The following CEP164 variants were observed in gnomAD, a reference collection of about 807,000 sequenced individuals.
The protein encoded by CEP164 is centrosomal protein 164.
CEP164 carries 162 observed loss-of-function variants against 182.7 expected under a neutral mutation model. That is an observed-to-expected ratio of 0.89 (90% CI 0.78 to 1.01). The LOEUF is 1.01. Ranked by LOEUF, CEP164 falls within the 50% of genes least tolerant of loss-of-function variation. CEP164 has a pLI of 0.00. For synonymous variants in CEP164, 661 were observed against 690.0 expected (o/e 0.96, Z 0.66); for missense variants, 1,735 against 1,790.4 (o/e 0.97, Z 0.56).
intron 3 of CEP164, among the ~76,000 whole-genome samples, chr11:117,339,515 GTTTTTTGTTTTTTTT>G (rs1331345511): frequency 1.3e-4 from 12 of 90,880 alleles, no homozygotes; most frequent in Non-Finnish European, 2.5e-4. Context: ...CTTTTCCTTT[GTTTTTTGTTTTTTTT>G]TTTTTTTTTT....
At chr11:117,364,663 C>T (rs1318020582) in intron 8 of CEP164, among the ~76,000 whole-genome samples, 1 of 151,750 alleles carries the variant, frequency 6.6e-6, no homozygotes, top group Non-Finnish European at 1.5e-5. Context: ...CCCGCCACCA[C>T]ACCCGGCTAT....
At chr11:117,408,794 C>A in intron 28 of CEP164, 96 bp from the exon 29 acceptor site, 2 of 1,506,410 alleles carry the variant, frequency 1.3e-6, no homozygotes, top group African/African-American at 1.4e-5. Context: ...TAAAGAAGAA[C>A]CTAGCTCAGT....
chr11:117,391,912 C>G (rs373541016), intron 17 of CEP164, among the ~76,000 whole-genome samples: 1 of 152,178 alleles, frequency 6.6e-6, no homozygotes, highest in Non-Finnish European at 1.5e-5. Flanking sequence ...ACCTGGCCCC[C>G]CTGGCTTGGA....
In CEP164 at chr11:117,409,606, CT is replaced by C. The variant is rs2047095365; in HGVS notation, c.3749-8del. 6.3e-7 allele frequency: 1 copy of C among 1,598,088 alleles called. No individual in the cohort carries two copies. The highest frequency in any genetic ancestry group is 1.7e-5 in the Admixed American group (1 of 59,540). ...TTGAGTCCCTTCCCACCATCCACCT[CT>C]TTTCTTTCAGTCGACTCAACCCCGA... On this transcript the variant is annotated splice_polypyrimidine_tract_variant and intron_variant, in intron 29 of 32. Coordinates refer to ENST00000278935, the MANE Select transcript of CEP164 (RefSeq NM_014956.5). This position sits in a 1 kb window ranked among gnomAD's most constrained non-coding sequence, Gnocchi z 4.4.
intron 4 of CEP164, among the ~76,000 whole-genome samples, chr11:117,347,955 TTTGTTGTTG>T (rs530021219): frequency 1.3e-5 from 2 of 151,400 alleles, no homozygotes; most frequent in African/African-American, 4.9e-5. Context: ...CTGAAGTTGG[TTTGTTGTTG>T]TTGTTGTTGT....
At chr11:117,384,567 C>T (rs61903746) in intron 14 of CEP164, 10,020 of 152,344 alleles carry the variant, frequency 0.066, 426 homozygotes, top group Non-Finnish European at 0.085. Context: ...TTGGCTTCCC[C>T]AGCTCCTCCC....
chr11:117,400,571 T>C (rs1309470706), intron 27 of CEP164, among the ~76,000 whole-genome samples: 4 of 152,350 alleles, frequency 2.6e-5, no homozygotes, highest in Admixed American at 2.6e-4. Flanking sequence ...GTAAATTACT[T>C]TGGGCAGTAT....
intron 17 of CEP164, 105 bp downstream of exon 17, chr11:117,391,320 A>T: frequency 9.1e-7 from 1 of 1,095,596 alleles, no homozygotes. Flanking sequence ...GTGGGCGTGC[A>T]GGCTGGGGAG....
chr11:117,338,768 A>G (rs1171995581), intron 3 of CEP164, 100 bp downstream of exon 3: 2 of 946,510 alleles, frequency 2.1e-6, no homozygotes, highest in Non-Finnish European at 3.4e-6. Flanking sequence ...AGTATGGTAC[A>G]TGTACAGAGT....
Position 117,371,236 on chromosome 11 carries a change from C to T in CEP164, c.922C>T (p.Pro308Ser). ...AGGGCGACAGGGAAGTGGAGCAAGACCTGGTCTTCCAGAAAAAGAGGAAAA... is the reference window on the plus strand; with the variant it reads ...AGGGCGACAGGGAAGTGGAGCAAGATCTGGTCTTCCAGAAAAAGAGGAAAA... ...GKGRQGSGARPGLPEKEENEK... is the reference protein window; with the variant it reads ...GKGRQGSGARSGLPEKEENEK... Residue 308 changes from proline (P) to serine (S), a missense_variant, in exon 9 of 33, where the codon CCT becomes TCT. Physicochemically the swap from Pro to Ser is moderately conservative, Grantham distance 74. Transcript: ENST00000278935. 6.2e-7 allele frequency: 1 copy of T among 1,614,190 alleles called. No individual in the cohort carries two copies. Among genetic ancestry groups the T allele is most frequent in the Non-Finnish European group, 8.5e-7 (1 of 1,180,044 alleles).
chr11:117,408,122 G>A (rs1240129027), intron 28 of CEP164, 90 bp downstream of exon 28: 2 of 961,884 alleles, frequency 2.1e-6, no homozygotes, highest in African/African-American at 1.6e-5. Context: ...CTGCATCCGG[G>A]GGAGTTGGGC....
intron 28 of CEP164, chr11:117,408,565 C>A: frequency 2.7e-6 from 1 of 363,868 alleles, no homozygotes; most frequent in Non-Finnish European, 5.2e-6. Context: ...CCCTCCCACC[C>A]TGCTGTGAGG....
At chr11:117,362,300 C>G in intron 6 of CEP164, 104 bp from the exon 7 acceptor site, 1 of 1,299,712 alleles carries the variant, frequency 7.7e-7, no homozygotes, top group Non-Finnish European at 1.1e-6. Context: ...CATGGTGGCA[C>G]TTGATCTGGG....
At chr11:117,402,044 A>G (rs189653103) in intron 27 of CEP164, among the ~76,000 whole-genome samples, 13 of 151,386 alleles carry the variant, frequency 8.6e-5, no homozygotes, top group East Asian at 5.8e-4. Flanking sequence ...TTGCTTCTCT[A>G]CTTCTTTTAA....
At chr11:117,361,724 G>A (rs1490140068) in intron 5 of CEP164, 111 bp from the exon 6 acceptor site, 10 of 1,065,350 alleles carry the variant, frequency 9.4e-6, no homozygotes, top group Non-Finnish European at 1.3e-5. Context: ...GAGCGGAGGT[G>A]GTTTAAATTT....
chr11:117,407,445 ACT>A (rs1458958175), intron 27 of CEP164, among the ~76,000 whole-genome samples: 1 of 130,808 alleles, frequency 7.6e-6, no homozygotes, highest in African/African-American at 2.8e-5. Context: ...ACATTGCAAA[ACT>A]CTGTCTCTAC....
At position 117,371,257 on chromosome 11, in the gene CEP164, G is replaced by A; in HGVS notation, c.943G>A (p.Glu315Lys). 6.2e-7 allele frequency: 1 copy of A among 1,614,218 alleles called. No individual in the cohort carries two copies. Among genetic ancestry groups the A allele is most frequent in the Non-Finnish European group, 8.5e-7 (1 of 1,180,046 alleles). Residue 315 changes from glutamate to lysine, a missense_variant, in exon 9 of 33, where the codon GAA becomes AAA. Coordinates refer to ENST00000278935, the MANE Select transcript of CEP164 (RefSeq NM_014956.5). ...AAGACCTGGTCTTCCAGAAAAAGAGGAAAATGAGAAGAGTGAACCTAAGAT... is the reference window on the plus strand; with the variant it reads ...AAGACCTGGTCTTCCAGAAAAAGAGAAAAATGAGAAGAGTGAACCTAAGAT... ...GARPGLPEKE[E>K]NEKSEPKICR... is the part of the protein sequence containing the mutation.
intron 1 of CEP164, among the ~76,000 whole-genome samples, chr11:117,332,541 A>C (rs773244784): frequency 7.2e-5 from 11 of 152,168 alleles, no homozygotes; most frequent in Non-Finnish European, 1.3e-4. Flanking sequence ...GCACCATTGC[A>C]CTCCAGCCTG....
chr11:117,335,016 T>C (rs1281725960), intron 1 of CEP164, among the ~76,000 whole-genome samples: 1 of 152,158 alleles, frequency 6.6e-6, no homozygotes, highest in African/African-American at 2.4e-5. Context: ...CAGGCCACCA[T>C]TGGGCCCTCC....
Sources: gnomAD v4.1 joint callset for allele counts (sites outside exome capture counted in the v4.1 genomes callset) on GRCh38, gnomAD v4.1.1 for gene constraint, Gnocchi (gnomAD v3.1) non-coding constraint, MANE v1.5 for transcripts, NCBI Gene and HGNC (gene_info 2026-07-23, HGNC 2026-07-21) for gene names.